The following CTNNA2 variants were observed in gnomAD, a reference collection of about 807,000 sequenced individuals.
The protein encoded by CTNNA2 is catenin alpha-2.
In CTNNA2, 42 loss-of-function variants were observed where a neutral mutation model predicts 101.0. The observed-to-expected ratio is 0.42, with a 90% CI of 0.32 to 0.54. The LOEUF (loss-of-function observed/expected upper bound fraction) is 0.54. CTNNA2 is among the 20% of genes least tolerant of loss of function. The pLI, the probability that CTNNA2 is intolerant of heterozygous loss-of-function variation, is 0.14. For missense variants in CTNNA2, 871 were observed against 1,223.1 expected (o/e 0.71, Z 4.29); for synonymous variants, 450 against 456.4 (o/e 0.99, Z 0.18).
chr2:79,197,276 T>C (rs1673973761), intron 1 of CTNNA2, among the ~76,000 whole-genome samples: 1 of 152,076 alleles, frequency 6.6e-6, no homozygotes, highest in Non-Finnish European at 1.5e-5. Flanking sequence ...CTCAAAGGCA[T>C]GAAGGAAAAG....
chr2:80,111,594 C>T (rs954999949), intron 7 of CTNNA2, among the ~76,000 whole-genome samples: 2 of 152,222 alleles, frequency 1.3e-5, no homozygotes, highest in South Asian at 2.1e-4. Context: ...GGCTAGAGTG[C>T]AGTGTGGCAA....
chr2:80,323,778 C>T (rs1166890947), intron 7 of CTNNA2, among the ~76,000 whole-genome samples: 1 of 152,118 alleles, frequency 6.6e-6, no homozygotes, highest in African/African-American at 2.4e-5. Context: ...TTTCAAGCCA[C>T]AAATTCCTCC....
At chr2:80,124,183 C>A (rs1701996695) in intron 7 of CTNNA2, among the ~76,000 whole-genome samples, 1 of 152,142 alleles carries the variant, frequency 6.6e-6, no homozygotes, top group African/African-American at 2.4e-5. Flanking sequence ...GGTGGCATGT[C>A]ATGTTCCTTT....
intron 3 of CTNNA2, among the ~76,000 whole-genome samples, chr2:79,799,539 A>T (rs748901318): frequency 1.3e-5 from 2 of 152,182 alleles, no homozygotes; most frequent in Non-Finnish European, 2.9e-5. Flanking sequence ...ATACTGCAGA[A>T]ATTTAAATCC....
intron 9 of CTNNA2, among the ~76,000 whole-genome samples, chr2:80,471,128 A>G (rs1160936837): frequency 6.6e-6 from 1 of 152,188 alleles, no homozygotes; most frequent in African/African-American, 2.4e-5. Flanking sequence ...TGGAGGCCTT[A>G]AGCACAGTAT....
At chr2:79,676,666 C>T (rs563460334) in intron 2 of CTNNA2, among the ~76,000 whole-genome samples, 16 of 152,166 alleles carry the variant, frequency 1.1e-4, no homozygotes, top group African/African-American at 3.4e-4. Flanking sequence ...AAACAGCAGA[C>T]AGTCCAAAAG....
At chr2:79,360,989 C>T (rs1030753432) in intron 3 of CTNNA2, among the ~76,000 whole-genome samples, 3 of 151,980 alleles carry the variant, frequency 2.0e-5, no homozygotes, top group African/African-American at 7.2e-5. Flanking sequence ...TGATATAACT[C>T]AAGAAGGTGG....
At chr2:79,782,804 A>G (rs1335194538) in intron 3 of CTNNA2, among the ~76,000 whole-genome samples, 1 of 152,158 alleles carries the variant, frequency 6.6e-6, no homozygotes, top group Non-Finnish European at 1.5e-5. Context: ...GGGGCCTCGC[A>G]AGGGGAAGAG....
intron 3 of CTNNA2, among the ~76,000 whole-genome samples, chr2:79,836,974 A>G (rs1486519295): frequency 6.6e-6 from 1 of 152,136 alleles, no homozygotes; most frequent in Non-Finnish European, 1.5e-5. Context: ...TAACTCAATT[A>G]TATCTACAAA....
chr2:79,464,159 T>A (rs149014178), intron 4 of CTNNA2, among the ~76,000 whole-genome samples: 1 of 152,218 alleles, frequency 6.6e-6, no homozygotes, highest in Non-Finnish European at 1.5e-5. Flanking sequence ...CAGGCCCCGA[T>A]GTGTGATGTT....
intron 7 of CTNNA2, among the ~76,000 whole-genome samples, chr2:80,377,883 C>G (rs1226619077): frequency 2.0e-5 from 3 of 152,200 alleles, no homozygotes; most frequent in Non-Finnish European, 4.4e-5. Flanking sequence ...CATCTCTCAT[C>G]TGTGGCCAGA....
At chr2:80,510,932 G>A (rs549128180) in intron 9 of CTNNA2, among the ~76,000 whole-genome samples, 117 of 151,092 alleles carry the variant, frequency 7.7e-4, no homozygotes, top group African/African-American at 2.6e-3. Context: ...TAATGACTCT[G>A]CTCTTTGTTA....
intron 7 of CTNNA2, among the ~76,000 whole-genome samples, chr2:80,311,256 A>T (rs2149227778): frequency 6.6e-6 from 1 of 152,324 alleles, no homozygotes; most frequent in African/African-American, 2.4e-5. Context: ...GAGGATTTTA[A>T]AAAAACTATT....
Position 79,665,616 on chromosome 2 carries a change from AT to A in CTNNA2, c.102+13960del, listed in dbSNP as rs1317865842. 3.9e-5 allele frequency among the ~76,000 whole-genome samples: 6 copies of A among 152,316 alleles called. No homozygotes were observed. The East Asian group carries it at 9.6e-4, about 24-fold the overall frequency. ...AGATACAGTTCTGGAGCAATAGAAA[AT>A]TATACTATCTTTTAAAAATATTTTT... On this transcript the variant is annotated intron_variant, in intron 2 of 18. Transcript: ENST00000402739.
intron 7 of CTNNA2, among the ~76,000 whole-genome samples, chr2:80,124,815 C>G (rs1453019394): frequency 6.6e-6 from 1 of 152,140 alleles, no homozygotes; most frequent in Admixed American, 6.5e-5. Flanking sequence ...CTCAAAGACC[C>G]CTGTCAAGCT....
intron 11 of CTNNA2, among the ~76,000 whole-genome samples, chr2:80,546,864 T>G (rs1398570113): frequency 1.3e-5 from 2 of 152,202 alleles, no homozygotes; most frequent in Non-Finnish European, 2.9e-5. Context: ...CAGCCTTCTT[T>G]GTGAGGTGTT....
chr2:80,437,009 G>A (rs1041183502), intron 9 of CTNNA2, among the ~76,000 whole-genome samples: 10 of 152,168 alleles, frequency 6.6e-5, no homozygotes, highest in African/African-American at 2.4e-4. Flanking sequence ...GGTAATGAGG[G>A]CTTCATCCTC....
At chr2:79,920,085 C>T (rs572656421) in intron 7 of CTNNA2, among the ~76,000 whole-genome samples, 12 of 152,228 alleles carry the variant, frequency 7.9e-5, no homozygotes, top group South Asian at 4.1e-4. Context: ...AGTGTGGTGG[C>T]GCATGCCTGT....
chr2:80,647,581 C>A lies in CTNNA2; in HGVS notation c.2575-4C>A. 1.2e-6 allele frequency: 2 copies of A among 1,602,754 alleles called. No individual in the cohort carries two copies. Among genetic ancestry groups the A allele is most frequent in the Non-Finnish European group, 1.7e-6 (2 of 1,173,294 alleles). ...ACATGTATCTCATTCTTTTCCTACT[C>A]TAGCTGGACAGTGCCACATCGCTTA... On this transcript the variant is annotated splice_region_variant and splice_polypyrimidine_tract_variant and intron_variant, in intron 18 of 18. Coordinates refer to ENST00000402739, the MANE Select transcript of CTNNA2 (RefSeq NM_001282597.3).
Sources: gnomAD v4.1 joint callset for allele counts (sites outside exome capture counted in the v4.1 genomes callset) on GRCh38, gnomAD v4.1.1 for gene constraint, MANE v1.5 for transcripts, NCBI Gene and HGNC (gene_info 2026-07-23, HGNC 2026-07-21) for gene names.